Variants in TCF3 observed in about 807,000 individuals in gnomAD.
TCF3 encodes the protein transcription factor 3, also known as transcription factor E2-alpha.
A neutral mutation model predicts 72.3 loss-of-function variants in TCF3; 54 were observed. The ratio of observed to expected loss-of-function variants is 0.75; its 90% CI spans 0.60 to 0.94. The LOEUF (loss-of-function observed/expected upper bound fraction) is 0.94, where lower values mean the gene tolerates loss of function less well. Ranked by LOEUF, TCF3 falls within the 40% of genes least tolerant of loss-of-function variation. The pLI is 0.00. For missense variants in TCF3, 1,078 were observed against 934.4 expected (o/e 1.15, Z -2.00); for synonymous variants, 525 against 412.6 (o/e 1.27, Z -3.30).
chr19:1,625,414 C>A (rs1022998184), intron 7 of TCF3, among the ~76,000 whole-genome samples, 162 bp downstream of exon 7: 1 of 152,254 alleles, frequency 6.6e-6, no homozygotes, highest in Non-Finnish European at 1.5e-5. Flanking sequence ...GACCCCCCGT[C>A]ACCGTCCATC....
At chr19:1,642,008 G>C (rs941565030) in intron 3 of TCF3, among the ~76,000 whole-genome samples, 5 of 151,722 alleles carry the variant, frequency 3.3e-5, no homozygotes, top group African/African-American at 1.2e-4. Flanking sequence ...TCACACCACT[G>C]CACTCCAGTC....
At chr19:1,624,052 C>T (rs780855893) in intron 7 of TCF3, 52 bp from the exon 8 acceptor site, 5 of 1,572,650 alleles carry the variant, frequency 3.2e-6, no homozygotes, top group South Asian at 1.1e-5. Flanking sequence ...AGAACAACCC[C>T]TGCCCTACAC....
chr19:1,632,812 C>T (rs1312888370), intron 3 of TCF3, among the ~76,000 whole-genome samples: 2 of 152,196 alleles, frequency 1.3e-5, no homozygotes, highest in East Asian at 1.9e-4. Flanking sequence ...ACTCTTCTGA[C>T]CCTGTGAGAA....
At chr19:1,620,638 G>A (rs2062075440) in intron 13 of TCF3, among the ~76,000 whole-genome samples, 1 of 152,166 alleles carries the variant, frequency 6.6e-6, no homozygotes, top group Admixed American at 6.5e-5. Context: ...ACCTAACCTG[G>A]ACGCCACCTC....
At chr19:1,629,638 G>A (rs1037250476) in intron 5 of TCF3, among the ~76,000 whole-genome samples, 5 of 152,168 alleles carry the variant, frequency 3.3e-5, no homozygotes, top group African/African-American at 1.2e-4. Context: ...CCTGGATCCA[G>A]CCTTGCCTGA....
In TCF3 at chr19:1,610,525, G is replaced by A; in HGVS notation, c.*1182C>T. ...CCTGGGGCAAAGGAGTGAAGGACAGGGTGTCCAGGAGGTCCCCAGCACCGG... is the reference window on the plus strand; with the variant it reads ...CCTGGGGCAAAGGAGTGAAGGACAGAGTGTCCAGGAGGTCCCCAGCACCGG... On this transcript the variant is annotated 3_prime_UTR_variant, in exon 19 of 19. Transcript: ENST00000262965. The A allele has an allele frequency of 4.3e-6, 1 of 231,652 alleles. No individual in the cohort carries two copies. The highest frequency in any genetic ancestry group is 8.5e-6 in the Non-Finnish European group (1 of 117,142). 14.3% of individuals were successfully genotyped at this position (231,652 alleles called of 1,614,324 possible).
intron 14 of TCF3, 32 bp from the exon 15 acceptor site, chr19:1,619,506 C>T (rs753462629): frequency 3.9e-6 from 6 of 1,551,518 alleles, no homozygotes; most frequent in Non-Finnish European, 5.2e-6. Context: ...GGTGAGGGGC[C>T]CAAGCCGAGG....
Position 1,619,332 on chromosome 19 carries a change from C to A in TCF3, c.1310G>T (p.Gly437Val). ...AGCGCTCACCAGGCCTGCGTGCCGC[C>A]CGCCCAGTGACATGGGGCCGGTGAA... ...SGFTGPMSLG[G>V]RHAGLVGGSH... is the part of the protein sequence containing the mutation. The change falls in exon 15 of 19, where the codon GGG becomes GTG. Residue 437 changes from glycine (G) to valine (V), a missense_variant. Physicochemically the swap from Gly to Val is moderately radical, Grantham distance 109. Coordinates refer to ENST00000262965, the MANE Select transcript of TCF3 (RefSeq NM_003200.5). 1 of 1,577,882 alleles carries A rather than the reference C, an allele frequency of 6.3e-7. No individual in the cohort carries two copies. The highest frequency in any genetic ancestry group is 1.3e-5 in the African/African-American group (1 of 74,520).
At chr19:1,651,258 C>G (rs1367065465) in intron 1 of TCF3, 3 of 227,594 alleles carry the variant, frequency 1.3e-5, no homozygotes, top group African/African-American at 2.2e-5. Flanking sequence ...CAGGTGGGGA[C>G]GGGGGCAGCC....
intron 7 of TCF3, among the ~76,000 whole-genome samples, chr19:1,624,815 T>C (rs2062685973): frequency 6.6e-6 from 1 of 152,146 alleles, no homozygotes; most frequent in African/African-American, 2.4e-5. Context: ...AGAGCCACGA[T>C]CTTTTACGTT....
chr19:1,642,138 AC>A (rs2065341217), intron 3 of TCF3, among the ~76,000 whole-genome samples: 1 of 142,204 alleles, frequency 7.0e-6, no homozygotes, highest in African/African-American at 2.5e-5. Flanking sequence ...CTACACACAC[AC>A]ACACACACAC....
chr19:1,635,231 A>G (rs1315014965), intron 3 of TCF3, among the ~76,000 whole-genome samples: 2 of 152,202 alleles, frequency 1.3e-5, no homozygotes, highest in Non-Finnish European at 2.9e-5. Context: ...CTCAGGCTAA[A>G]GTCCTGGGAG....
At chr19:1,634,788 T>G (rs1375492580) in intron 3 of TCF3, among the ~76,000 whole-genome samples, 2 of 152,252 alleles carry the variant, frequency 1.3e-5, no homozygotes, top group African/African-American at 4.8e-5. Context: ...GGACCAAGTC[T>G]GGCCCCTAAG....
Position 1,651,563 on chromosome 19 carries a change from G to A in TCF3, c.-40+737C>T, listed in dbSNP as rs539238041. ...AACGGGCATTCTACGGGAGCTGGAAGACTTCTGGGGCGTCCCAAGGACTTT... is the reference window on the plus strand; with the variant it reads ...AACGGGCATTCTACGGGAGCTGGAAAACTTCTGGGGCGTCCCAAGGACTTT... On this transcript the variant is annotated intron_variant, in intron 1 of 18. Transcript: ENST00000262965. Among the ~76,000 whole-genome samples, 12 of 152,340 alleles carry A rather than the reference G, an allele frequency of 7.9e-5. No individual in the cohort carries two copies. In the South Asian group the frequency reaches 1.2e-3, roughly 16 times the overall value.
chr19:1,626,999 G>A (rs1010092226), intron 6 of TCF3, among the ~76,000 whole-genome samples: 2 of 152,330 alleles, frequency 1.3e-5, no homozygotes, highest in Non-Finnish European at 2.9e-5. Context: ...ACCAGGGCCA[G>A]CGTGGGTGAG....
chr19:1,619,759 T>TGGGGGGGG, intron 14 of TCF3, 21 bp downstream of exon 14: 1 of 483,194 alleles, frequency 2.1e-6, no homozygotes, highest in Non-Finnish European at 2.8e-6. Flanking sequence ...AAGGGTGGGG[T>TGGGGGGGG]GGGGCGGGGC....
In TCF3 at chr19:1,619,379, G is replaced by A; in HGVS notation, c.1263C>T (p.Gly421=). Residue 421 remains glycine, a synonymous_variant, in exon 15 of 19, where the codon GGC becomes GGT. Transcript: ENST00000262965. ...TAGDMHTLLP[G]HGALASGFTG... is the part of the protein sequence containing the mutation. ...TGAAACCTGAGGCCAGCGCCCCGTG[G>A]CCAGGCAGCAGCGTGTGCATGTCGC... 1.9e-6 allele frequency: 3 copies of A among 1,591,694 alleles called. No individual in the cohort carries two copies. The highest frequency in any genetic ancestry group is 2.6e-6 in the Non-Finnish European group (3 of 1,176,164).
intron 2 of TCF3, among the ~76,000 whole-genome samples, chr19:1,646,793 T>C (rs1403336344): frequency 6.6e-6 from 1 of 152,248 alleles, no homozygotes; most frequent in Non-Finnish European, 1.5e-5. Flanking sequence ...TTGACAGTGA[T>C]ACAAAGTTGT....
intron 16 of TCF3, 92 bp downstream of exon 16, chr19:1,619,019 C>G: frequency 6.3e-7 from 1 of 1,575,936 alleles, no homozygotes; most frequent in Non-Finnish European, 8.6e-7. Context: ...GTGACACCTG[C>G]CCTGGGCTCC....
Sources: gnomAD v4.1 joint callset for allele counts (sites outside exome capture counted in the v4.1 genomes callset) on GRCh38, gnomAD v4.1.1 for gene constraint, MANE v1.5 for transcripts, NCBI Gene and HGNC (gene_info 2026-07-23, HGNC 2026-07-21) for gene names.